PTPN21: variants seen among roughly 807,000 people sequenced by gnomAD.
PTPN21 encodes protein tyrosine phosphatase non-receptor type 21.
PTPN21 carries 77 observed loss-of-function variants against 131.8 expected under a neutral mutation model. The observed-to-expected ratio is 0.58, with a 90% CI of 0.49 to 0.71. The LOEUF is 0.71. Ranked by LOEUF, PTPN21 falls within the 30% of genes least tolerant of loss-of-function variation. PTPN21 has a pLI of 0.00. For synonymous variants in PTPN21, 715 were observed against 621.3 expected (o/e 1.15, Z -2.24); for missense variants, 1,552 against 1,527.1 (o/e 1.02, Z -0.27).
chr14:88,484,045 GTGTT>G (rs2077693557), intron 12 of PTPN21, among the ~76,000 whole-genome samples: 1 of 130,104 alleles, frequency 7.7e-6, no homozygotes, highest in South Asian at 2.6e-4. Context: ...AGATTCTAAG[GTGTT>G]TTTTTTTTTT....
chr14:88,474,231 C>G (rs2077517481), intron 13 of PTPN21, among the ~76,000 whole-genome samples: 1 of 151,360 alleles, frequency 6.6e-6, no homozygotes, highest in Non-Finnish European at 1.5e-5. Context: ...ACTCTGTCAC[C>G]CAGGCTGGAT....
chr14:88,506,674 T>C (rs1220673561), intron 4 of PTPN21, among the ~76,000 whole-genome samples: 2 of 152,094 alleles, frequency 1.3e-5, no homozygotes, highest in Non-Finnish European at 2.9e-5. Flanking sequence ...TAAAAGTCTA[T>C]ACATGGGGTA....
At chr14:88,484,613 A>C (rs2077705845) in intron 12 of PTPN21, among the ~76,000 whole-genome samples, 1 of 152,196 alleles carries the variant, frequency 6.6e-6, no homozygotes, top group Non-Finnish European at 1.5e-5. Flanking sequence ...GTGGAGCATC[A>C]AAATTTGATA....
At chr14:88,511,222 AC>A (rs1194881539) in intron 3 of PTPN21, among the ~76,000 whole-genome samples, 1 of 152,046 alleles carries the variant, frequency 6.6e-6, no homozygotes, top group Non-Finnish European at 1.5e-5. Context: ...AGCCATAAAT[AC>A]GTTTTTCTTA....
At chr14:88,540,554 T>G (rs2139353979) in intron 2 of PTPN21, among the ~76,000 whole-genome samples, 1 of 152,342 alleles carries the variant, frequency 6.6e-6, no homozygotes, top group East Asian at 1.9e-4. Flanking sequence ...TGTAGTTGAA[T>G]CAAATGGTAT....
At chr14:88,546,809 C>T (rs935603454) in intron 2 of PTPN21, among the ~76,000 whole-genome samples, 27 of 152,148 alleles carry the variant, frequency 1.8e-4, no homozygotes, top group African/African-American at 5.6e-4. Flanking sequence ...GGTGTGACCC[C>T]ACTCAGATTA....
rs1215420966 is a variant in PTPN21 at position 88,483,632 on chromosome 14, A to C, written c.1078+1444T>G. On this transcript the variant is annotated intron_variant, in intron 12 of 18. Transcript: ENST00000556564. ...GGAAACCTGGACCACTCTACTCTCCAAACACACCCTGCTTCATTCTGTGCC... is the reference window on the plus strand; with the variant it reads ...GGAAACCTGGACCACTCTACTCTCCCAACACACCCTGCTTCATTCTGTGCC... Among the ~76,000 whole-genome samples, 3 of 152,078 alleles carry C rather than the reference A, an allele frequency of 2.0e-5. No individual in the cohort carries two copies. In the East Asian group the frequency reaches 5.8e-4, roughly 29 times the overall value.
At chr14:88,471,832 C>G (rs7161660) in intron 15 of PTPN21, among the ~76,000 whole-genome samples, 56,770 of 151,484 alleles carry the variant, frequency 0.37, 11,196 homozygotes, top group African/African-American at 0.5. Context: ...CCAGGCAACA[C>G]AAGGTCAAGG....
chr14:88,482,613 CAAAAGAAAAGAAAAG>C (rs147441767), intron 12 of PTPN21, among the ~76,000 whole-genome samples: 11 of 150,988 alleles, frequency 7.3e-5, no homozygotes, highest in Non-Finnish European at 1.3e-4. Context: ...AACTCCATCT[CAAAAGAAAAGAAAAG>C]AAAAGAAAAG....
chr14:88,468,660 C>G (rs1377392863), intron 18 of PTPN21, among the ~76,000 whole-genome samples: 2 of 152,082 alleles, frequency 1.3e-5, no homozygotes, highest in Non-Finnish European at 2.9e-5. Flanking sequence ...ATTCTGAGCT[C>G]AAATTTGAAA....
At chr14:88,473,620 G>C (rs773999764) in intron 14 of PTPN21, 45 bp downstream of exon 14, 2 of 1,575,566 alleles carry the variant, frequency 1.3e-6, no homozygotes, top group Non-Finnish European at 1.7e-6. Context: ...AGTATTTACC[G>C]GTTGTTCCAG....
chr14:88,471,910 A>G (rs901300812), intron 15 of PTPN21, among the ~76,000 whole-genome samples: 21 of 144,246 alleles, frequency 1.5e-4, no homozygotes, highest in African/African-American at 5.6e-4. Context: ...CTCTATCTCA[A>G]AAAAGGCAAA....
At chr14:88,472,869 T>A (rs1407669303) in intron 14 of PTPN21, among the ~76,000 whole-genome samples, 1 of 151,972 alleles carries the variant, frequency 6.6e-6, no homozygotes, top group African/African-American at 2.4e-5. Context: ...AGAAACAAAA[T>A]TCTAGGTGAA....
chr14:88,469,418 A>G lies in PTPN21; in HGVS notation c.3235+81T>C. ...GCTTATATGAGATAACATAAAGGAA[A>G]TATTTCGGAAACATAAATGTTCCTC... On this transcript the variant is annotated intron_variant, in intron 17 of 18. Coordinates refer to ENST00000556564, the MANE Select transcript of PTPN21 (RefSeq NM_007039.4). The surrounding 1 kb of genome is among the most constrained non-coding windows in gnomAD (Gnocchi z 4.3). The G allele has an allele frequency of 2.4e-6, 3 of 1,231,518 alleles. No homozygotes were observed. The highest frequency in any genetic ancestry group is 3.5e-6 in the Non-Finnish European group (3 of 852,538). 76.3% of individuals were successfully genotyped at this position (1,231,518 alleles called of 1,614,324 possible). A position where few individuals can be genotyped will look rare whatever the true frequency, so the allele number is the denominator to read the frequency against.
chr14:88,519,380 T>C (rs1037075097), intron 2 of PTPN21, among the ~76,000 whole-genome samples: 2 of 152,228 alleles, frequency 1.3e-5, no homozygotes, highest in Admixed American at 6.5e-5. Context: ...TAGCCACATG[T>C]GGCTACTGAG....
intron 5 of PTPN21, 43 bp from the exon 6 acceptor site, chr14:88,504,538 A>C (rs1293587025): frequency 1.3e-6 from 2 of 1,492,688 alleles, no homozygotes; most frequent in African/African-American, 1.4e-5. Context: ...AATTCACCCC[A>C]ATTTCTTAGA....
At chr14:88,510,645 G>A (rs559403886) in intron 3 of PTPN21, among the ~76,000 whole-genome samples, 26 of 152,308 alleles carry the variant, frequency 1.7e-4, no homozygotes, top group African/African-American at 6.3e-4. Flanking sequence ...TTGAGTCCCA[G>A]TTCCAGTATA....
chr14:88,553,547 G>A (rs1176779458), intron 1 of PTPN21, among the ~76,000 whole-genome samples: 1 of 151,648 alleles, frequency 6.6e-6, no homozygotes, highest in Non-Finnish European at 1.5e-5. Context: ...AAAGTGATTG[G>A]GTCTGGAATT....
intron 11 of PTPN21, 111 bp from the exon 12 acceptor site, chr14:88,485,271 T>A: frequency 1.8e-6 from 1 of 564,804 alleles, no homozygotes; most frequent in East Asian, 3.2e-5. Flanking sequence ...AGGAATTAAA[T>A]ATATTATATA....
Sources: gnomAD v4.1 joint callset for allele counts (sites outside exome capture counted in the v4.1 genomes callset) on GRCh38, gnomAD v4.1.1 for gene constraint, Gnocchi (gnomAD v3.1) non-coding constraint, MANE v1.5 for transcripts, NCBI Gene and HGNC (gene_info 2026-07-23, HGNC 2026-07-21) for gene names.